TUBB8B: variants seen among roughly 807,000 people sequenced by gnomAD.
The protein encoded by TUBB8B is HSA18p11 beta-tubulin 4Q pseudogene.
TUBB8B carries 26 observed loss-of-function variants against 31.9 expected under a neutral mutation model. The ratio of observed to expected loss-of-function variants is 0.81; its 90% confidence interval spans 0.60 to 1.13. TUBB8B has a LOEUF of 1.13. TUBB8B is among the 50% of genes most tolerant of loss of function. The probability of loss-of-function intolerance (pLI) is 0.00; values close to 1 mark genes in which losing one functional copy is unlikely to be tolerated. For synonymous variants in TUBB8B, 173 were observed against 231.0 expected, an observed-to-expected ratio of 0.75 and a Z score of 2.28; for missense variants, 467 against 586.7, an observed-to-expected ratio of 0.80 and a Z score of 2.11.
the TUBB8B span, among the ~76,000 whole-genome samples, chr18:71,153 C>T: frequency 5.3e-5 from 8 of 151,814 alleles, no homozygotes; most frequent in Admixed American, 2.0e-4. Context: ...ATTGCTGGAG[C>T]CCGGGAGGTT....
chr18:50,737 G>A (rs571519921), upstream of TUBB8B, among the ~76,000 whole-genome samples: 66 of 150,752 alleles, frequency 4.4e-4, no homozygotes, highest in Middle Eastern at 0.017. Flanking sequence ...AGGGTATTCC[G>A]GCCCAGTTCT....
At position 49,027 on chromosome 18, in the gene TUBB8B, C is replaced by A. The variant is rs1905904968; in HGVS notation, c.190G>T (p.Val64Leu). 2 of 1,608,154 alleles carry A rather than the reference C, an allele frequency of 1.2e-6. No homozygotes were observed. Among genetic ancestry groups the A allele is most frequent in the Non-Finnish European group, 1.7e-6 (2 of 1,177,296 alleles). The change falls in exon 3 of 4, where the codon GTG becomes TTG. Residue 64 changes from valine (V) to leucine (L), a missense_variant. Transcript: ENST00000308911. ...ASGGRYVPRA[V>L]LVDLEPGTMD... Reference sequence around the variant, plus strand: ...GTGCCCGGCTCCAGATCCACGAGCACAGCGCGGGGCACGTACCTGCCACCT... The same window carrying A: ...GTGCCCGGCTCCAGATCCACGAGCAAAGCGCGGGGCACGTACCTGCCACCT...
Position 48,450 on chromosome 18 carries a change from G to C in TUBB8B, c.278-3C>G. 6.4e-7 allele frequency: 1 copy of C among 1,558,732 alleles called. No homozygotes were observed. Among genetic ancestry groups the C allele is most frequent in the Non-Finnish European group, 8.8e-7 (1 of 1,132,500 alleles). On this transcript the variant is annotated splice_polypyrimidine_tract_variant and splice_region_variant and intron_variant, in intron 3 of 3. Coordinates refer to ENST00000308911, the MANE Select transcript of TUBB8B (RefSeq NM_001358689.2). ...GTTGTTTCCGGCCCCACACTGACCT[G>C]TAAGACAGCACAGCCGGTCACTCGA... is the stretch of plus-strand genomic sequence containing the variant.
rs1905680494 is a variant in TUBB8B at position 47,577 on chromosome 18, T to C, written c.1148A>G (p.Glu383Gly). 2.3e-6 allele frequency: 3 copies of C among 1,294,728 alleles called. No homozygotes were observed. Among genetic ancestry groups the C allele is most frequent in the Non-Finnish European group, 3.1e-6 (3 of 974,486 alleles). 80.2% of individuals were successfully genotyped at this position (1,294,728 alleles called of 1,614,324 possible). A position where few individuals can be genotyped will look rare whatever the true frequency, so the allele number is the denominator to read the frequency against. ...AIQELFTCVS[E>G]QFTAMFRRKA... ...GCGCCTGAACATTGCTGTAAACTGC[T>C]CTGAGACACATGTGAAGAGTTCCTG... Residue 383 changes from glutamate (E) to glycine (G), a missense_variant, in exon 4 of 4, where the codon GAG (glutamate) becomes GGG (glycine). Glu to Gly is a moderately conservative substitution (Grantham distance 98). This residue lies in a region of TUBB8B where 208 missense variants were observed against 206.7 expected (regional missense o/e 1.01). Transcript: ENST00000308911.
At chr18:72,948 C>CAA in the TUBB8B span, among the ~76,000 whole-genome samples, 1 of 152,040 alleles carries the variant, frequency 6.6e-6, no homozygotes, top group Non-Finnish European at 1.5e-5. Context: ...ACCTGGGAAA[C>CAA]GAGCGAAAGT....
Position 48,980 on chromosome 18 carries a change from C to G in TUBB8B, c.237G>C (p.Gly79=). Residue 79 remains glycine, a synonymous_variant, in exon 3 of 4, where the codon GGG becomes GGC. Coordinates refer to ENST00000308911, the MANE Select transcript of TUBB8B (RefSeq NM_001358689.2). ...EPGTMDSVHS[G]PFGQVFRPDN... ...CTGGCCTGAAGACCTGCCCGAAGGGCCCCGAGTGCACAGAGTCCATGGTGC... is the reference window on the plus strand; with the variant it reads ...CTGGCCTGAAGACCTGCCCGAAGGGGCCCGAGTGCACAGAGTCCATGGTGC... The G allele has an allele frequency of 6.2e-7, 1 of 1,609,116 alleles. No individual in the cohort carries two copies. The highest frequency in any genetic ancestry group is 8.5e-7 in the Non-Finnish European group (1 of 1,177,594).
chr18:48,537 G>A (rs1373043143), intron 3 of TUBB8B, 90 bp from the exon 4 acceptor site: 5 of 978,172 alleles, frequency 5.1e-6, no homozygotes, highest in Non-Finnish European at 8.1e-6. Flanking sequence ...AGTGTCACAT[G>A]TGAGGTGAAA....
At chr18:52,302 G>C (rs1466413001), upstream of TUBB8B, among the ~76,000 whole-genome samples, 3 of 151,476 alleles carry the variant, frequency 2.0e-5, no homozygotes, top group Non-Finnish European at 4.4e-5. Context: ...GAGGCGGTGG[G>C]CAGAAAGGCA....
chr18:64,316 A>C, the TUBB8B span, among the ~76,000 whole-genome samples: 1 of 152,304 alleles, frequency 6.6e-6, no homozygotes, highest in African/African-American at 2.4e-5. Flanking sequence ...ACATACTGAA[A>C]TGTCATCTGA....
the TUBB8B span, among the ~76,000 whole-genome samples, chr18:72,134 C>G: frequency 2.9e-5 from 4 of 136,788 alleles, no homozygotes; most frequent in African/African-American, 1.1e-4. Context: ...GCTGAGATCA[C>G]GCCACTGCAC....
At chr18:55,882 G>A in the TUBB8B span, among the ~76,000 whole-genome samples, 2 of 151,528 alleles carry the variant, frequency 1.3e-5, no homozygotes, top group African/African-American at 2.4e-5. Context: ...TGTGCTTATG[G>A]GGCATTATTT....
chr18:58,168 T>A, the TUBB8B span, among the ~76,000 whole-genome samples: 2 of 151,284 alleles, frequency 1.3e-5, no homozygotes, highest in African/African-American at 4.9e-5. Context: ...TTTTTTTTTT[T>A]AAGTTATACA....
At chr18:53,135 T>G (rs934000922), upstream of TUBB8B, among the ~76,000 whole-genome samples, 1 of 151,890 alleles carries the variant, frequency 6.6e-6, no homozygotes, top group Admixed American at 6.6e-5. Flanking sequence ...CTATAGGTAT[T>G]AACCTTCTAG....
the TUBB8B span, among the ~76,000 whole-genome samples, chr18:71,571 A>T: frequency 3.4e-5 from 3 of 87,244 alleles, no homozygotes; most frequent in East Asian, 2.1e-4. Context: ...AAAAAATTTA[A>T]AAAAAAAAAA....
At chr18:73,323 T>C in the TUBB8B span, 105,372 of 159,824 alleles carry the variant, frequency 0.66, 32,678 homozygotes, top group East Asian at 0.98. Context: ...TTCGCCTCGG[T>C]GGCCCCAGGT....
At chr18:72,177 CAAAAAAAAA>C in the TUBB8B span, among the ~76,000 whole-genome samples, 5 of 78,722 alleles carry the variant, frequency 6.4e-5, no homozygotes, top group African/African-American at 1.4e-4. Context: ...GACTCCATCT[CAAAAAAAAA>C]AAAAAAAAAA....
At chr18:61,540 C>G in the TUBB8B span, among the ~76,000 whole-genome samples, 3 of 151,562 alleles carry the variant, frequency 2.0e-5, no homozygotes, top group East Asian at 5.8e-4. Context: ...TTCTTCCTGT[C>G]TTCCTTTTAG....
chr18:61,853 C>T, the TUBB8B span, among the ~76,000 whole-genome samples: 1 of 151,556 alleles, frequency 6.6e-6, no homozygotes, highest in African/African-American at 2.4e-5. Flanking sequence ...TTATTGTTTA[C>T]TCTTTCTATT....
At chr18:62,643 G>T in the TUBB8B span, among the ~76,000 whole-genome samples, 2 of 151,596 alleles carry the variant, frequency 1.3e-5, no homozygotes, top group Admixed American at 1.3e-4. Flanking sequence ...GGATGGCCTT[G>T]ATCTCTTGAC....
Sources: allele counts gnomAD v4.1 joint callset (sites outside exome capture counted in the v4.1 genomes callset), GRCh38; gene constraint gnomAD v4.1.1; regional missense constraint gnomAD v4.1.1; transcripts MANE v1.5; gene names NCBI Gene and HGNC (gene_info 2026-07-23, HGNC 2026-07-21).